Variants in ARHGAP22 observed in about 807,000 individuals in gnomAD.
ARHGAP22 encodes Rho GTPase activating protein 22.
In ARHGAP22, 48 loss-of-function variants were observed where a neutral mutation model predicts 59.1. That is an observed-to-expected ratio of 0.81 (90% CI 0.64 to 1.03). The LOEUF (loss-of-function observed/expected upper bound fraction) is 1.03, where lower values mean the gene tolerates loss of function less well. Among genes scored for constraint, ARHGAP22 ranks in the 50% least tolerant of loss-of-function variants. The probability of loss-of-function intolerance (pLI) is 0.00; values close to 1 mark genes in which losing one functional copy is unlikely to be tolerated. For synonymous variants in ARHGAP22, 445 were observed against 416.4 expected (o/e 1.07, Z -0.84); for missense variants, 1,015 against 958.7 (o/e 1.06, Z -0.78).
At chr10:48,576,408 T>A (rs1424299066) in intron 2 of ARHGAP22, among the ~76,000 whole-genome samples, 1 of 152,242 alleles carries the variant, frequency 6.6e-6, no homozygotes, top group African/African-American at 2.4e-5. Flanking sequence ...TAGTTTTTCT[T>A]TTCTTGTTTA....
At chr10:48,504,141 A>T (rs1018344438) in intron 3 of ARHGAP22, among the ~76,000 whole-genome samples, 1 of 152,162 alleles carries the variant, frequency 6.6e-6, no homozygotes, top group Non-Finnish European at 1.5e-5. Flanking sequence ...ATTTGGCCTC[A>T]TGAAATGTGT....
At chr10:48,649,957 A>G (rs2062481776) in intron 1 of ARHGAP22, among the ~76,000 whole-genome samples, 1 of 151,896 alleles carries the variant, frequency 6.6e-6, no homozygotes, top group African/African-American at 2.4e-5. Flanking sequence ...TAAGTTTCTC[A>G]ATAATCTCCA....
chr10:48,544,430 C>T (rs1444676628), intron 3 of ARHGAP22, among the ~76,000 whole-genome samples: 1 of 149,508 alleles, frequency 6.7e-6, no homozygotes, highest in Non-Finnish European at 1.5e-5. Flanking sequence ...TTGCTTCTTT[C>T]ATTTTTGCCT....
At chr10:48,565,520 T>C (rs1049085115) in intron 2 of ARHGAP22, among the ~76,000 whole-genome samples, 1 of 152,166 alleles carries the variant, frequency 6.6e-6, no homozygotes, top group Non-Finnish European at 1.5e-5. Context: ...TCATGCATTA[T>C]TATAGGGCCA....
At chr10:48,476,476 C>T (rs532196800) in intron 4 of ARHGAP22, among the ~76,000 whole-genome samples, 29 of 152,332 alleles carry the variant, frequency 1.9e-4, no homozygotes, top group African/African-American at 6.7e-4. Context: ...TCTAAGCCTC[C>T]TTCCCAGGGG....
chr10:48,621,021 A>C (rs2061267761), intron 1 of ARHGAP22, among the ~76,000 whole-genome samples: 1 of 152,256 alleles, frequency 6.6e-6, no homozygotes, highest in Non-Finnish European at 1.5e-5. Flanking sequence ...GGATGTGCAG[A>C]GCACTCTAGC....
intron 1 of ARHGAP22, among the ~76,000 whole-genome samples, chr10:48,612,764 C>A (rs2060943188): frequency 6.6e-6 from 1 of 152,212 alleles, no homozygotes; most frequent in African/African-American, 2.4e-5. Context: ...CCACATTATG[C>A]CTCTCTGCCA....
intron 3 of ARHGAP22, among the ~76,000 whole-genome samples, chr10:48,496,266 G>GCTCT (rs2134294659): frequency 6.6e-6 from 1 of 152,234 alleles, no homozygotes; most frequent in East Asian, 1.9e-4. Flanking sequence ...GGACAGTGGG[G>GCTCT]CTCTGGTGGT....
downstream of ARHGAP22, among the ~76,000 whole-genome samples, chr10:48,442,474 T>G (rs1394663659): frequency 1.3e-5 from 2 of 152,234 alleles, no homozygotes; most frequent in South Asian, 4.1e-4. Flanking sequence ...GAGTTTGATG[T>G]GAACCAAGTG....
At chr10:48,493,597 G>C (rs534360808) in intron 3 of ARHGAP22, 14 of 1,478,126 alleles carry the variant, frequency 9.5e-6, no homozygotes, top group African/African-American at 6.9e-5. Flanking sequence ...GCAGGGCTGC[G>C]GCCACTCGGC....
chr10:48,452,043 T>C (rs748133990), intron 8 of ARHGAP22, among the ~76,000 whole-genome samples: 2 of 151,250 alleles, frequency 1.3e-5, no homozygotes, highest in Non-Finnish European at 2.9e-5. Context: ...TGCACCCTGC[T>C]CACCCCCCAG....
intron 1 of ARHGAP22, among the ~76,000 whole-genome samples, chr10:48,626,472 C>T (rs2061452679): frequency 6.6e-6 from 1 of 152,208 alleles, no homozygotes; most frequent in African/African-American, 2.4e-5. Flanking sequence ...CTAGGAGGTG[C>T]TACATTGATA....
intron 4 of ARHGAP22, among the ~76,000 whole-genome samples, chr10:48,463,677 C>T (rs918966667): frequency 4.6e-5 from 7 of 152,204 alleles, no homozygotes; most frequent in East Asian, 1.9e-4. Context: ...GTCCCTGCTA[C>T]GTGAGCTGCC....
intron 3 of ARHGAP22, among the ~76,000 whole-genome samples, chr10:48,496,528 C>T (rs2050950269): frequency 6.6e-6 from 1 of 152,140 alleles, no homozygotes; most frequent in Admixed American, 6.5e-5. Flanking sequence ...ACTGGAAGAG[C>T]AAGAATTCCC....
Position 48,450,406 on chromosome 10 carries a change from C to A in ARHGAP22, c.1723G>T (p.Ala575Ser). The A allele has an allele frequency of 6.4e-7, 1 of 1,567,522 alleles. No homozygotes were observed. Among genetic ancestry groups the A allele is most frequent in the Non-Finnish European group, 8.6e-7 (1 of 1,157,296 alleles). The change falls in exon 9 of 10, where the codon GCG (alanine) becomes TCG (serine). Residue 575 changes from alanine (A) to serine (S), a missense_variant. Coordinates refer to ENST00000249601, the MANE Select transcript of ARHGAP22 (RefSeq NM_021226.4). ...DLDHSMDEAG[A>S]GASNSEPSEP... The stretch of plus-strand genomic sequence containing the variant: ...CTGGGCTCGCTGTTGCTGGCACCCG[C>A]GCCCGCCTCGTCCATGCTGTGGTCC...
intron 3 of ARHGAP22, among the ~76,000 whole-genome samples, chr10:48,489,290 A>C (rs540003010): frequency 6.6e-6 from 1 of 152,154 alleles, no homozygotes; most frequent in Non-Finnish European, 1.5e-5. Flanking sequence ...TGATGACCCC[A>C]TTTGACAGGT....
rs1326185077 is a variant in ARHGAP22, at chr10:48,446,322, G to C, written c.*69C>G. 1 of 1,542,678 alleles carries C rather than the reference G, an allele frequency of 6.5e-7. No homozygotes were observed. The highest frequency in any genetic ancestry group is 8.9e-7 in the Non-Finnish European group (1 of 1,128,194). Reference sequence around the variant, plus strand: ...AGCGCCTGGCTGCTCCAGAGATACAGACGCTTCTAACTCCATACAAGGCTG... The same window carrying C: ...AGCGCCTGGCTGCTCCAGAGATACACACGCTTCTAACTCCATACAAGGCTG... On this transcript the variant is annotated 3_prime_UTR_variant, in exon 10 of 10. Transcript: ENST00000249601.
At chr10:48,480,637 TTACTGAGCACCTGG>T (rs1212706929) in intron 3 of ARHGAP22, among the ~76,000 whole-genome samples, 2 of 152,166 alleles carry the variant, frequency 1.3e-5, no homozygotes, top group African/African-American at 2.4e-5. Context: ...GGACCAGCGC[TTACTGAGCACCTGG>T]TACGTGCCTG....
intron 1 of ARHGAP22, among the ~76,000 whole-genome samples, chr10:48,612,617 A>G (rs1218334929): frequency 6.6e-6 from 1 of 152,228 alleles, no homozygotes; most frequent in Non-Finnish European, 1.5e-5. Context: ...GGCTCTCTGT[A>G]GCCACTATCA....
Sources: allele counts gnomAD v4.1 joint callset (sites outside exome capture counted in the v4.1 genomes callset), GRCh38; gene constraint gnomAD v4.1.1; transcripts MANE v1.5; gene names NCBI Gene and HGNC (gene_info 2026-07-23, HGNC 2026-07-21).